ERI2: variants seen among roughly 807,000 people sequenced by gnomAD.
The protein encoded by ERI2 is ERI1 exoribonuclease family member 2.
ERI2 carries 35 observed loss-of-function variants against 46.8 expected under a neutral mutation model. The ratio of observed to expected loss-of-function variants is 0.75; its 90% CI spans 0.57 to 0.99. The LOEUF (loss-of-function observed/expected upper bound fraction) is 0.99. Among genes scored for constraint, ERI2 ranks in the 50% least tolerant of loss-of-function variants. The probability of loss-of-function intolerance (pLI) is 0.00; values close to 1 mark genes in which losing one functional copy is unlikely to be tolerated. For synonymous variants in ERI2, 224 were observed against 271.0 expected (o/e 0.83, Z 1.70); for missense variants, 695 against 796.2 (o/e 0.87, Z 1.53).
At position 20,796,896 on chromosome 16, in the gene ERI2, T is replaced by C; in HGVS notation, c.*828A>G. On this transcript the variant is annotated 3_prime_UTR_variant, in exon 9 of 9. Transcript: ENST00000357967. ...CCTTGATGCCAACAGGTAGAATTTA[T>C]TCAAGAGCTGCCAAAGACTATCAGT... is the stretch of plus-strand genomic sequence containing the variant. 1.2e-6 allele frequency: 2 copies of C among 1,612,258 alleles called. No individual in the cohort carries two copies. Among genetic ancestry groups the C allele is most frequent in the Non-Finnish European group, 1.7e-6 (2 of 1,179,392 alleles).
At chr16:20,792,153 A>T, downstream of ERI2, 1 of 1,614,100 alleles carries the variant, frequency 6.2e-7, no homozygotes, top group Non-Finnish European at 8.5e-7. Context: ...CCATATGTGC[A>T]TATGTCTGTG....
intron 10 of ERI2, chr16:20,785,199 G>A: frequency 6.6e-7 from 1 of 1,523,772 alleles, no homozygotes; most frequent in Non-Finnish European, 8.9e-7. Context: ...GATTATTTGA[G>A]GGATAGGAGT....
intron 10 of ERI2, among the ~76,000 whole-genome samples, chr16:20,785,474 AAG>A (rs1017113451): frequency 6.6e-6 from 1 of 152,210 alleles, no homozygotes; most frequent in African/African-American, 2.4e-5. Flanking sequence ...CTGAAATATT[AAG>A]AGTTTGCTGG....
intron 10 of ERI2, chr16:20,780,744 G>A (rs754230915): frequency 7.4e-6 from 12 of 1,614,058 alleles, no homozygotes; most frequent in African/African-American, 1.3e-5. Context: ...CCTGTGTGAA[G>A]ACAAAACACA....
chr16:20,799,780 A>G, intron 7 of ERI2, 177 bp downstream of exon 7: 1 of 522,808 alleles, frequency 1.9e-6, no homozygotes. Flanking sequence ...GTATCTTACA[A>G]TAGTTTATGA....
At chr16:20,791,005 AATC>A in intron 8 of ERI2, 1 of 1,507,620 alleles carries the variant, frequency 6.6e-7, no homozygotes, top group Non-Finnish European at 9.1e-7. Flanking sequence ...ATTTTCCTGA[AATC>A]CAGTTAGTGC....
intron 10 of ERI2, chr16:20,784,733 T>A (rs2080432078): frequency 2.1e-5 from 4 of 194,102 alleles, no homozygotes; most frequent in Non-Finnish European, 4.1e-5. Context: ...AAAGAAAAAC[T>A]AGTATTTGGG....
At position 20,798,148 on chromosome 16, in the gene ERI2, GTGAAGGGT is replaced by G; in HGVS notation, c.1644_1651del (p.Gln548HisfsTer4). 1 of 1,551,602 alleles carries G rather than the reference GTGAAGGGT, an allele frequency of 6.4e-7. No homozygotes were observed. On this transcript the variant is annotated frameshift_variant, in exon 9 of 9. Transcript: ENST00000357967. LOFTEE classifies it high-confidence loss of function. ...TGATGTAGGCTTTTCTTCATGAATA[GTGAAGGGT>G]TGTTTTTTTGCTGGTGGGAAAGCTT...
At chr16:20,780,859 T>C in intron 10 of ERI2, 1 of 1,614,218 alleles carries the variant, frequency 6.2e-7, no homozygotes, top group Non-Finnish European at 8.5e-7. Flanking sequence ...AAATGGAAGG[T>C]ATACTTTCAC....
rs757746338 is a variant in ERI2, at chr16:20,800,052, A to G, written c.562-14T>C. 77 of 1,481,326 alleles carry G rather than the reference A, an allele frequency of 5.2e-5. No homozygotes were observed. The highest frequency in any genetic ancestry group is 6.7e-5 in the Non-Finnish European group (72 of 1,073,674). 91.8% of individuals were successfully genotyped at this position (1,481,326 alleles called of 1,614,324 possible). On this transcript the variant is annotated splice_polypyrimidine_tract_variant and intron_variant, in intron 6 of 8. Coordinates refer to ENST00000357967, the MANE Select transcript of ERI2 (RefSeq NM_001142725.2). ...CCTATAGAAAAGCTAACCAATAAAA[A>G]AAGATATATTTAAAAGAAGATTACT...
At chr16:20,805,976 AAATT>A in intron 1 of ERI2, 1 of 1,049,132 alleles carries the variant, frequency 9.5e-7, no homozygotes, top group Non-Finnish European at 1.1e-6. Flanking sequence ...CTTACTAAAT[AAATT>A]AAATTTAAGT....
At chr16:20,799,585 T>C (rs1353646749) in intron 7 of ERI2, 1 of 513,436 alleles carries the variant, frequency 1.9e-6, no homozygotes, top group African/African-American at 1.9e-5. Flanking sequence ...GATATGAAAA[T>C]GTATTAGACA....
At chr16:20,801,069 C>T in intron 5 of ERI2, 134 bp downstream of exon 5, 1 of 676,240 alleles carries the variant, frequency 1.5e-6, no homozygotes, top group Non-Finnish European at 2.2e-6. Context: ...ATCTGCTAGG[C>T]ATTTAAATTT....
intron 8 of ERI2, among the ~76,000 whole-genome samples, chr16:20,791,313 C>G (rs1410394340): frequency 6.6e-6 from 1 of 152,176 alleles, no homozygotes; most frequent in African/African-American, 2.4e-5. Context: ...ACAAACCTGT[C>G]TGCTCTTTAT....
At chr16:20,799,596 G>T in intron 7 of ERI2, 2 of 497,178 alleles carry the variant, frequency 4.0e-6, no homozygotes, top group Non-Finnish European at 3.5e-6. Flanking sequence ...GTATTAGACA[G>T]TTCCCCAAAA....
chr16:20,796,625 A>G lies in ERI2; in HGVS notation c.*1099T>C. Reference sequence around the variant, plus strand: ...AAACTGAACTGATGACATATGGGTAAGAATCAGAATCTTTGAGATTAAAAT... The same window carrying G: ...AAACTGAACTGATGACATATGGGTAGGAATCAGAATCTTTGAGATTAAAAT... On this transcript the variant is annotated 3_prime_UTR_variant, in exon 9 of 9. Transcript: ENST00000357967. 2 of 1,510,150 alleles carry G rather than the reference A, an allele frequency of 1.3e-6. No homozygotes were observed. The highest frequency in any genetic ancestry group is 1.8e-6 in the Non-Finnish European group (2 of 1,138,450). 93.5% of individuals were successfully genotyped at this position (1,510,150 alleles called of 1,614,324 possible). A position where few individuals can be genotyped will look rare whatever the true frequency, so the allele number is the denominator to read the frequency against.
Position 20,790,494 on chromosome 16 carries a change from T to G in ERI2, c.815+356A>C, listed in dbSNP as rs1208479326. ...TTTTTTTTAAGTCTTCATTTTTAAA[T>G]GGCAAAAGCCAAAATAAAACTTGCA... On this transcript the variant is annotated intron_variant, in intron 9 of 10. Transcript: ENST00000300005. The surrounding 1 kb of genome is among the most constrained non-coding windows in gnomAD (Gnocchi z 4.0). 2 of 1,307,010 alleles carry G rather than the reference T, an allele frequency of 1.5e-6. No homozygotes were observed. The highest frequency in any genetic ancestry group is 3.0e-5 in the African/African-American group (2 of 66,546). 81.0% of individuals were successfully genotyped at this position (1,307,010 alleles called of 1,614,324 possible).
At chr16:20,802,685 TA>T (rs2080809321) in intron 4 of ERI2, 110 bp downstream of exon 4, 1 of 1,275,006 alleles carries the variant, frequency 7.8e-7, no homozygotes, top group Non-Finnish European at 1.0e-6. Flanking sequence ...GTGCTGGGAT[TA>T]CAGGCATAAG....
In ERI2 at chr16:20,797,868, T is replaced by C; in HGVS notation, c.1932A>G (p.Gln644=). The C allele has an allele frequency of 6.4e-7, 1 of 1,551,620 alleles. No homozygotes were observed. The highest frequency in any genetic ancestry group is 8.7e-7 in the Non-Finnish European group (1 of 1,146,914). ...CGYFKWEQTL[Q]KERANSMVPS... Reference sequence around the variant, plus strand: ...GAACCATGCTGTTGGCTCTTTCCTTTTGAAGTGTTTGTTCCCATTTGAAAT... The same window carrying C: ...GAACCATGCTGTTGGCTCTTTCCTTCTGAAGTGTTTGTTCCCATTTGAAAT... The change falls in exon 9 of 9, where the codon CAA becomes CAG. Residue 644 remains glutamine (Q), a synonymous_variant. Transcript: ENST00000357967.
Sources: allele counts gnomAD v4.1 joint callset (sites outside exome capture counted in the v4.1 genomes callset), GRCh38; gene constraint gnomAD v4.1.1; non-coding constraint Gnocchi (gnomAD v3.1); transcripts MANE v1.5; gene names NCBI Gene and HGNC (gene_info 2026-07-23, HGNC 2026-07-21).